Variants in POLL observed in about 807,000 individuals in gnomAD.
POLL encodes DNA polymerase beta-2.
A neutral mutation model predicts 58.1 loss-of-function variants in POLL; 44 were observed. The ratio of observed to expected loss-of-function variants is 0.76; its 90% CI spans 0.60 to 0.97. The LOEUF (loss-of-function observed/expected upper bound fraction) is 0.97. Among genes scored for constraint, POLL ranks in the 50% least tolerant of loss-of-function variants. The pLI, the probability that POLL is intolerant of heterozygous loss-of-function variation, is 0.00. For missense variants in POLL, 632 were observed against 736.8 expected (o/e 0.86, Z 1.65); for synonymous variants, 290 against 283.2 (o/e 1.02, Z -0.24).
At position 101,587,978 on chromosome 10, in the gene POLL, G is replaced by A. The variant is rs1444522714; in HGVS notation, c.-203C>T. Reference sequence around the variant, plus strand: ...CGCAGCAGGTGTGGGGAGCCCTCCGGGAATGGAGGAGTCTCGCAGCTGCGG... The same window carrying A: ...CGCAGCAGGTGTGGGGAGCCCTCCGAGAATGGAGGAGTCTCGCAGCTGCGG... On this transcript the variant is annotated 5_prime_UTR_variant, in exon 1 of 9. Coordinates refer to ENST00000370162, the MANE Select transcript of POLL (RefSeq NM_001174084.2). The A allele has an allele frequency of 7.7e-7, 1 of 1,292,974 alleles. No homozygotes were observed. The highest frequency in any genetic ancestry group is 2.4e-5 in the Admixed American group (1 of 41,800). 80.1% of individuals were successfully genotyped at this position (1,292,974 alleles called of 1,614,324 possible). A position where few individuals can be genotyped will look rare whatever the true frequency, so the allele number is the denominator to read the frequency against.
At position 101,580,416 on chromosome 10, in the gene POLL, C is replaced by G. The variant is rs766094506; in HGVS notation, c.1195G>C (p.Val399Leu). The G allele has an allele frequency of 4.8e-5, 78 of 1,613,242 alleles. 2 individuals are homozygous for G. In the South Asian group the frequency reaches 8.5e-4, roughly 17 times the overall value. Residue 399 changes from valine (V) to leucine (L), a missense_variant and splice_region_variant, in exon 8 of 9, where the codon GTC becomes CTC. Coordinates refer to ENST00000370162, the MANE Select transcript of POLL (RefSeq NM_001174084.2). This position sits in a 1 kb window ranked among gnomAD's most constrained non-coding sequence, Gnocchi z 4.1. ...REEATEIEQT[V>L]QKAAQAFNSG... ...TTAAAGGCCTGGGCTGCTTTCTGGACCTGGGAAAGAGAGCGGTGACAGGTG... is the reference window on the plus strand; with the variant it reads ...TTAAAGGCCTGGGCTGCTTTCTGGAGCTGGGAAAGAGAGCGGTGACAGGTG...
chr10:101,587,271 C>T lies in POLL; in HGVS notation c.90G>A (p.Arg30=), dbSNP rs781268167. The T allele has an allele frequency of 6.8e-6, 11 of 1,613,912 alleles. No individual in the cohort carries two copies. In the Admixed American group the frequency reaches 1.8e-4, roughly 27 times the overall value. ...CTTCTGCTTCTTCTCCCTCTTCCCT[C>T]CTAGGAATCTTTGCAAGTACTTTTG... ...ASSKVLAKIP[R]REEGEEAEEW... The change falls in exon 2 of 9, where the codon AGG becomes AGA. Residue 30 remains arginine, a synonymous_variant. Coordinates refer to ENST00000370162, the MANE Select transcript of POLL (RefSeq NM_001174084.2).
At chr10:101,587,699 C>T (rs2063464212) in intron 1 of POLL, 123 bp downstream of exon 1, 1 of 1,068,892 alleles carries the variant, frequency 9.4e-7, no homozygotes, top group African/African-American at 1.7e-5. Flanking sequence ...TCAGCACAGC[C>T]CTGCTGCGGC....
chr10:101,580,304 T>C lies in POLL; in HGVS notation c.1307A>G (p.Asp436Gly). ...GDVDVLITHP[D>G]GRSHRGIFSR... The stretch of plus-strand genomic sequence containing the variant: ...GAAGATACCCCGGTGGGACCGGCCA[T>C]CTGGGTGAGTGATGAGCACGTCGAC... The change falls in exon 8 of 9, where the codon GAT becomes GGT. Residue 436 changes from aspartate (D) to glycine (G), a missense_variant. Asp to Gly is a moderately conservative substitution (Grantham distance 94). Coordinates refer to ENST00000370162, the MANE Select transcript of POLL (RefSeq NM_001174084.2). This position sits in a 1 kb window ranked among gnomAD's most constrained non-coding sequence, Gnocchi z 4.1. 6.2e-7 allele frequency: 1 copy of C among 1,614,000 alleles called. No homozygotes were observed. The highest frequency in any genetic ancestry group is 1.6e-4 in the Middle Eastern group (1 of 6,062).
At position 101,583,536 on chromosome 10, in the gene POLL, G is replaced by A; in HGVS notation, c.1037C>T (p.Thr346Ile). The change falls in exon 6 of 9, where the codon ACC (threonine) becomes ATC (isoleucine). Residue 346 changes from threonine (T) to isoleucine (I), a missense_variant. By Grantham distance (89) the Thr-to-Ile change is moderately conservative. Transcript: ENST00000370162. ...ELFSNIWGAG[T>I]KTAQMWYQQG... ...TTGGTACCACATCTGGGCAGTCTTGGTCCCAGCTCCCCAGATGTTGGAGAA... is the reference window on the plus strand; with the variant it reads ...TTGGTACCACATCTGGGCAGTCTTGATCCCAGCTCCCCAGATGTTGGAGAA... The A allele has an allele frequency of 6.2e-7, 1 of 1,613,442 alleles. No homozygotes were observed. The highest frequency in any genetic ancestry group is 1.3e-5 in the African/African-American group (1 of 75,026).
rs56330712 is a variant in POLL, at chr10:101,580,480, C to A, written c.1195-64G>T. On this transcript the variant is annotated intron_variant, in intron 7 of 8. Transcript: ENST00000370162. The surrounding 1 kb of genome is among the most constrained non-coding windows in gnomAD (Gnocchi z 4.1). Reference sequence around the variant, plus strand: ...GGGGAGCTCCTCTCCCACAGCAGTACAAGGGCCTTCCCAGACTCGGGCCCA... The same window carrying A: ...GGGGAGCTCCTCTCCCACAGCAGTAAAAGGGCCTTCCCAGACTCGGGCCCA... 1.2e-5 allele frequency: 17 copies of A among 1,460,302 alleles called. No homozygotes were observed. The East Asian group carries it at 3.0e-4, about 25-fold the overall frequency. 90.5% of individuals were successfully genotyped at this position (1,460,302 alleles called of 1,614,324 possible). A position where few individuals can be genotyped will look rare whatever the true frequency, so the allele number is the denominator to read the frequency against.
rs778766509 is a variant in POLL at position 101,585,494 on chromosome 10, TG to T, written c.411-17del. On this transcript the variant is annotated splice_polypyrimidine_tract_variant and intron_variant, in intron 3 of 8. Transcript: ENST00000370162. ...GTCCAAGTACCTGTGGGGATGGTGA[TG>T]GGAGGTTAAGACACCAAAGGTCTCA... 3 of 1,509,630 alleles carry T rather than the reference TG, an allele frequency of 2.0e-6. No homozygotes were observed. Among genetic ancestry groups the T allele is most frequent in the Non-Finnish European group, 1.8e-6 (2 of 1,127,978 alleles). The allele number at this position is 1,509,630 out of a possible 1,614,324, so 93.5% of individuals were successfully genotyped here. A position where few individuals can be genotyped will look rare whatever the true frequency, so the allele number is the denominator to read the frequency against.
rs1430829220 is a variant in POLL at position 101,579,989 on chromosome 10, T to TC, written c.1364-173dup. ...TAAAACATGGATAGTAATTCCCATC[T>TC]CCCCCATAGTGTCACAGAAAGATCA... On this transcript the variant is annotated intron_variant, in intron 8 of 8. Transcript: ENST00000370162. This position sits in a 1 kb window ranked among gnomAD's most constrained non-coding sequence, Gnocchi z 4.4. 1.5e-5 allele frequency: 11 copies of TC among 757,180 alleles called. No homozygotes were observed. The East Asian group carries it at 3.0e-4, about 20-fold the overall frequency. The allele number at this position is 757,180 out of a possible 1,614,324, so 46.9% of individuals were successfully genotyped here. A position where few individuals can be genotyped will look rare whatever the true frequency, so the allele number is the denominator to read the frequency against.
Position 101,582,891 on chromosome 10 carries a change from C to T in POLL, c.1066G>A (p.Gly356Ser), listed in dbSNP as rs139871590. Residue 356 changes from glycine (G) to serine (S), a missense_variant and splice_region_variant, in exon 7 of 9, where the codon GGC becomes AGC. By Grantham distance (56) the Gly-to-Ser change is moderately conservative. Coordinates refer to ENST00000370162, the MANE Select transcript of POLL (RefSeq NM_001174084.2). ...CGGATGTCTTCCAGACTTCGGAAGCCCTGGAAAAAAGCAGCCAGATGGGAA... is the reference window on the plus strand; with the variant it reads ...CGGATGTCTTCCAGACTTCGGAAGCTCTGGAAAAAAGCAGCCAGATGGGAA... ...TKTAQMWYQQ[G>S]FRSLEDIRSQ... is the part of the protein sequence containing the mutation. 2,124 of 1,614,074 alleles carry T rather than the reference C, an allele frequency of 1.3e-3. No individual in the cohort carries two copies. Among genetic ancestry groups the T allele is most frequent in the Non-Finnish European group, 1.6e-3 (1,901 of 1,180,016 alleles).
chr10:101,585,522 C>T, intron 3 of POLL, 44 bp from the exon 4 acceptor site: 1 of 1,443,556 alleles, frequency 6.9e-7, no homozygotes, highest in Non-Finnish European at 9.3e-7. Context: ...AAGGTCTCAC[C>T]CTGTATCTGT....
At chr10:101,584,175 C>T (rs1211023850) in intron 5 of POLL, among the ~76,000 whole-genome samples, 1 of 152,102 alleles carries the variant, frequency 6.6e-6, no homozygotes, top group Non-Finnish European at 1.5e-5. Flanking sequence ...AGAGTCCAAA[C>T]TTCTTTTAAA....
At position 101,579,336 on chromosome 10, in the gene POLL, T is replaced by G; in HGVS notation, c.*117A>C. 7.1e-6 allele frequency: 9 copies of G among 1,264,312 alleles called. No individual in the cohort carries two copies. Among genetic ancestry groups the G allele is most frequent in the Non-Finnish European group, 9.8e-6 (9 of 921,622 alleles). The allele number at this position is 1,264,312 out of a possible 1,614,324, so 78.3% of individuals were successfully genotyped here. A position where few individuals can be genotyped will look rare whatever the true frequency, so the allele number is the denominator to read the frequency against. On this transcript the variant is annotated 3_prime_UTR_variant, in exon 9 of 9. Coordinates refer to ENST00000370162, the MANE Select transcript of POLL (RefSeq NM_001174084.2). The surrounding 1 kb of genome is among the most constrained non-coding windows in gnomAD (Gnocchi z 4.4). Reference sequence around the variant, plus strand: ...GCCCAGAGCCCTGGGCCCTGCTCGCTGAGGAAGCTGGTGGTTGGAGCGGCG... The same window carrying G: ...GCCCAGAGCCCTGGGCCCTGCTCGCGGAGGAAGCTGGTGGTTGGAGCGGCG...
In POLL at chr10:101,586,162, G is replaced by A. The variant is rs747311935; in HGVS notation, c.116-6C>T. ...CCGAAGGGAGCTCAGCCACTCTGTG[G>A]AAGGAACATCCAGATGACTACTGTT... is the stretch of plus-strand genomic sequence containing the variant. On this transcript the variant is annotated splice_polypyrimidine_tract_variant and splice_region_variant and intron_variant, in intron 2 of 8. Transcript: ENST00000370162. The A allele has an allele frequency of 4.9e-5, 78 of 1,605,702 alleles. No homozygotes were observed. In the Middle Eastern group the frequency reaches 5.3e-4, roughly 11 times the overall value.
chr10:101,585,273 C>T, intron 4 of POLL, 43 bp downstream of exon 4: 1 of 1,481,462 alleles, frequency 6.8e-7, no homozygotes, highest in Non-Finnish European at 9.0e-7. Context: ...CTGTGATCTG[C>T]TTCCTAGGGG....
intron 4 of POLL, among the ~76,000 whole-genome samples, 185 bp from the exon 5 acceptor site, chr10:101,585,104 G>A (rs926564799): frequency 1.3e-5 from 2 of 152,136 alleles, no homozygotes; most frequent in Non-Finnish European, 2.9e-5. Context: ...TTGGCTCCAC[G>A]CAGTGCCTAG....
Position 101,579,524 on chromosome 10 carries a change from T to C in POLL, c.1657A>G (p.Thr553Ala), listed in dbSNP as rs2062856094. 10 of 1,612,930 alleles carry C rather than the reference T, an allele frequency of 6.2e-6. No homozygotes were observed. Among genetic ancestry groups the C allele is most frequent in the Non-Finnish European group, 8.5e-6 (10 of 1,179,744 alleles). The change falls in exon 9 of 9, where the codon ACT becomes GCT. Residue 553 changes from threonine to alanine, a missense_variant. Physicochemically the swap from Thr to Ala is moderately conservative, Grantham distance 58. Transcript: ENST00000370162. This position sits in a 1 kb window ranked among gnomAD's most constrained non-coding sequence, Gnocchi z 4.4. ...CTGAAGACATCCTTCTCAGTGGGAG[T>C]GGGCAGCACTCGGCCAGGCCCCACC... ...CKVGPGRVLP[T>A]PTEKDVFRLL...
In POLL at chr10:101,586,961, C is replaced by T. The variant is rs186608403; in HGVS notation, c.115+285G>A. 1.1e-3 allele frequency among the ~76,000 whole-genome samples: 165 copies of T among 152,256 alleles called. 1 individual carries two copies. Among genetic ancestry groups the T allele is most frequent in the Non-Finnish European group, 4.3e-4 (29 of 68,020 alleles). ...AAGCCTGGGTAATGGAGGGGGGTTTCTGTCCCAGTCCTCAGGGCAAAAATT... is the reference window on the plus strand; with the variant it reads ...AAGCCTGGGTAATGGAGGGGGGTTTTTGTCCCAGTCCTCAGGGCAAAAATT... On this transcript the variant is annotated intron_variant, in intron 2 of 8. Coordinates refer to ENST00000370162, the MANE Select transcript of POLL (RefSeq NM_001174084.2).
At chr10:101,587,218 C>T (rs2063418980) in intron 2 of POLL, 28 bp downstream of exon 2, 6 of 1,613,634 alleles carry the variant, frequency 3.7e-6, no homozygotes, top group Non-Finnish European at 5.1e-6. Context: ...TTCAAGCACA[C>T]GAGGGTTCTG....
At chr10:101,583,100 C>T (rs2063095833) in intron 6 of POLL, 2 of 642,282 alleles carry the variant, frequency 3.1e-6, no homozygotes, top group African/African-American at 3.6e-5. Context: ...TGCCACTATC[C>T]TAAGATGCTC....
Sources: gnomAD v4.1 joint callset for allele counts (sites outside exome capture counted in the v4.1 genomes callset) on GRCh38, gnomAD v4.1.1 for gene constraint, Gnocchi (gnomAD v3.1) non-coding constraint, MANE v1.5 for transcripts, NCBI Gene and HGNC (gene_info 2026-07-23, HGNC 2026-07-21) for gene names.